MACF1: variants seen among roughly 807,000 people sequenced by gnomAD.
MACF1 encodes microtubule-actin cross-linking factor 1.
In MACF1, 193 loss-of-function variants were observed where a neutral mutation model predicts 854.8. The ratio of observed to expected loss-of-function variants is 0.23; its 90% CI spans 0.20 to 0.25. The LOEUF is 0.25. Among genes scored for constraint, MACF1 ranks in the 10% least tolerant of loss-of-function variants. The probability of loss-of-function intolerance (pLI) is 1.00; values close to 1 mark genes in which losing one functional copy is unlikely to be tolerated. For missense variants in MACF1, 7,722 were observed against 8,929.1 expected, an observed-to-expected ratio of 0.86 and a Z score of 5.45; for synonymous variants, 3,185 against 3,226.7, an observed-to-expected ratio of 0.99 and a Z score of 0.44.
At position 39,332,189 on chromosome 1, in the gene MACF1, A is replaced by G. The variant is rs188006968; in HGVS notation, c.5601A>G (p.Glu1867=). The change falls in exon 37 of 101, where the codon GAA becomes GAG. Residue 1867 remains glutamate (E), a synonymous_variant. Coordinates refer to ENST00000564288, the MANE Select transcript of MACF1 (RefSeq NM_001394062.1). ...GEILPITDAL[E]QGIVSTELAH... The stretch of plus-strand genomic sequence containing the variant: ...TCCTCCCAATTACAGATGCCCTAGA[A>G]CAAGGTATTGTGTCTACTGAACTAG... The G allele has an allele frequency of 1.2e-6, 2 of 1,614,074 alleles. No homozygotes were observed. The highest frequency in any genetic ancestry group is 2.2e-5 in the East Asian group (1 of 44,888).
At position 39,361,447 on chromosome 1, in the gene MACF1, A is replaced by G; in HGVS notation, c.12541A>G (p.Thr4181Ala). Residue 4181 changes from threonine (T) to alanine (A), a missense_variant, in exon 49 of 101, where the codon ACT becomes GCT. Coordinates refer to ENST00000564288, the MANE Select transcript of MACF1 (RefSeq NM_001394062.1). The stretch of plus-strand genomic sequence containing the variant: ...CCGATTCATGGAGACAGCAGACAGT[A>G]CTACAGCAGCAGTGCTGCAGGGCAA... The part of the protein sequence containing the change: ...VTRFMETADS[T>A]TAAVLQGKLA... The G allele has an allele frequency of 6.2e-7, 1 of 1,614,194 alleles. No individual in the cohort carries two copies. The highest frequency in any genetic ancestry group is 8.5e-7 in the Non-Finnish European group (1 of 1,180,040).
rs1557656393 is a variant in MACF1 at position 39,441,138 on chromosome 1, G to A, written c.18570+13G>A. The A allele has an allele frequency of 6.2e-7, 1 of 1,614,196 alleles. No individual in the cohort carries two copies. The highest frequency in any genetic ancestry group is 8.5e-7 in the Non-Finnish European group (1 of 1,180,028). On this transcript the variant is annotated intron_variant, in intron 73 of 100. Transcript: ENST00000564288. ...GAGCATTGATGAGGTGTGGAGAAAT[G>A]GATGAGGCACTCAGTTAGAACATTA...
At position 39,332,940 on chromosome 1, in the gene MACF1, A is replaced by G; in HGVS notation, c.6352A>G (p.Thr2118Ala). Residue 2118 changes from threonine to alanine, a missense_variant, in exon 37 of 101, where the codon ACA (threonine) becomes GCA (alanine). Thr to Ala is a moderately conservative substitution (Grantham distance 58). This residue lies in a region of MACF1 where 1,531 missense variants were observed against 1,601.6 expected (regional missense o/e 0.96). Transcript: ENST00000564288. ...GATAGGTACCCAAAGGGAAGACCAA[A>G]CAGCAGTGTCTGTCAGAGAAAATGC... The part of the protein sequence containing the change: ...QLIGTQREDQ[T>A]AVSVRENASR... The G allele has an allele frequency of 6.2e-7, 1 of 1,614,176 alleles. No individual in the cohort carries two copies. Among genetic ancestry groups the G allele is most frequent in the Non-Finnish European group, 8.5e-7 (1 of 1,180,026 alleles).
intron 2 of MACF1, among the ~76,000 whole-genome samples, chr1:39,236,585 C>A (rs1435135361): frequency 1.3e-5 from 2 of 152,080 alleles, no homozygotes; most frequent in Non-Finnish European, 2.9e-5. Context: ...CACTGGAGGG[C>A]AAATATTGTG....
chr1:39,110,324 C>T (rs1332056438), intron 2 of MACF1, among the ~76,000 whole-genome samples: 1 of 146,456 alleles, frequency 6.8e-6, no homozygotes, highest in African/African-American at 2.5e-5. Context: ...GCAGCCTTCA[C>T]CTCTCAGGCT....
rs370347610 is a variant in MACF1, at chr1:39,442,239, G to A, written c.18867G>A (p.Thr6289=). The change falls in exon 76 of 101, where the codon ACG becomes ACA. Residue 6289 remains threonine (T), a synonymous_variant. Transcript: ENST00000564288. ...ELMLKKATDE[T]DRDIIREPLT... ...TGTTAAAGAAAGCTACTGATGAGAC[G>A]GACAGAGACATTATACGAGAACCAC... 100 of 1,609,944 alleles carry A rather than the reference G, an allele frequency of 6.2e-5. No homozygotes were observed. The highest frequency in any genetic ancestry group is 1.7e-4 in the Middle Eastern group (1 of 6,020).
At chr1:39,168,600 T>G (rs1643905649) in intron 2 of MACF1, among the ~76,000 whole-genome samples, 1 of 152,198 alleles carries the variant, frequency 6.6e-6, no homozygotes, top group African/African-American at 2.4e-5. Context: ...CCCTGAGAGC[T>G]GGGATTACAG....
intron 31 of MACF1, among the ~76,000 whole-genome samples, chr1:39,320,612 A>G (rs1391061710): frequency 6.6e-6 from 1 of 152,196 alleles, no homozygotes; most frequent in East Asian, 1.9e-4. Flanking sequence ...AAATTCTTAC[A>G]TGGTTTATAA....
intron 2 of MACF1, among the ~76,000 whole-genome samples, chr1:39,239,665 A>C (rs1045639655): frequency 6.6e-6 from 1 of 152,228 alleles, no homozygotes; most frequent in Non-Finnish European, 1.5e-5. Context: ...AGAACATGAA[A>C]GTATGAACTC....
intron 2 of MACF1, among the ~76,000 whole-genome samples, chr1:39,091,631 G>A (rs994967686): frequency 5.3e-5 from 8 of 152,094 alleles, no homozygotes; most frequent in Non-Finnish European, 7.4e-5. Flanking sequence ...GAGTAGCTGG[G>A]ACTACAGGTG....
At position 39,436,485 on chromosome 1, in the gene MACF1, A is replaced by G. The variant is rs773197176; in HGVS notation, c.17988+724A>G. The G allele has an allele frequency of 9.3e-6, 15 of 1,614,008 alleles. No individual in the cohort carries two copies. The Admixed American group carries it at 2.3e-4, about 25-fold the overall frequency. On this transcript the variant is annotated intron_variant, in intron 70 of 100. Transcript: ENST00000564288. Reference sequence around the variant, plus strand: ...TTGACCGCGCCCACCATTACAGATTACAGAGGTAAGGTACCCATCCCCATT... The same window carrying G: ...TTGACCGCGCCCACCATTACAGATTGCAGAGGTAAGGTACCCATCCCCATT...
In MACF1 at chr1:39,205,016, C is replaced by A; in HGVS notation, c.-7C>A. The A allele has an allele frequency of 1.4e-6, 1 of 702,916 alleles. No homozygotes were observed. The highest frequency in any genetic ancestry group is 2.3e-4 in the Middle Eastern group (1 of 4,370). 43.5% of individuals were successfully genotyped at this position (702,916 alleles called of 1,614,324 possible). A position where few individuals can be genotyped will look rare whatever the true frequency, so the allele number is the denominator to read the frequency against. On this transcript the variant is annotated 5_prime_UTR_variant, in exon 1 of 101. Transcript: ENST00000564288. ...AACTCAAGGGAGGAGAAAGGACGGG[C>A]CTGGAAATGCCCCTCTTAGATTCAT...
At chr1:39,386,289 C>T (rs2148565584) in intron 57 of MACF1, among the ~76,000 whole-genome samples, 1 of 150,190 alleles carries the variant, frequency 6.7e-6, no homozygotes, top group South Asian at 2.1e-4. Context: ...CACACACGGT[C>T]TCGCTCTGTC....
Position 39,422,271 on chromosome 1 carries a change from T to C in MACF1, c.15817-103T>C, listed in dbSNP as rs539976540. 9 of 839,874 alleles carry C rather than the reference T, an allele frequency of 1.1e-5. No individual in the cohort carries two copies. In the East Asian group the frequency reaches 2.0e-4, roughly 19 times the overall value. The allele number at this position is 839,874 out of a possible 1,614,324, so 52.0% of individuals were successfully genotyped here. On this transcript the variant is annotated intron_variant, in intron 58 of 100. Coordinates refer to ENST00000564288, the MANE Select transcript of MACF1 (RefSeq NM_001394062.1). ...TGTTCTTTCTTTTTATTCCTGGTCG[T>C]CTTTCATTAAGTCATAAATGCCCCA...
chr1:39,440,923 G>C (rs186674028), intron 72 of MACF1, 80 bp from the exon 73 acceptor site: 4 of 1,429,896 alleles, frequency 2.8e-6, no homozygotes, highest in Admixed American at 1.7e-5. Context: ...CTATTGATGG[G>C]GTATAAATCA....
At chr1:39,269,864 G>A in intron 6 of MACF1, 1 of 559,704 alleles carries the variant, frequency 1.8e-6, no homozygotes, top group Non-Finnish European at 2.7e-6. Flanking sequence ...CTGGAGCTCA[G>A]CAAGCAGAAT....
At chr1:39,406,681 G>A (rs1642713355) in intron 58 of MACF1, among the ~76,000 whole-genome samples, 1 of 138,524 alleles carries the variant, frequency 7.2e-6, no homozygotes, top group East Asian at 2.2e-4. Flanking sequence ...ATTGCAGTGA[G>A]CCAAGATTGC....
chr1:39,480,607 G>A (rs1007920119), intron 98 of MACF1, among the ~76,000 whole-genome samples: 1 of 151,878 alleles, frequency 6.6e-6, no homozygotes, highest in Non-Finnish European at 1.5e-5. Flanking sequence ...TCCAGCCTGG[G>A]CAACAGAGTG....
chr1:39,267,561 A>G (rs1323878062), intron 6 of MACF1, among the ~76,000 whole-genome samples: 1 of 152,380 alleles, frequency 6.6e-6, no homozygotes. Flanking sequence ...CCGATAAAAT[A>G]TAAAATAATA....
Sources: allele counts gnomAD v4.1 joint callset (sites outside exome capture counted in the v4.1 genomes callset), GRCh38; gene constraint gnomAD v4.1.1; regional missense constraint gnomAD v4.1.1; transcripts MANE v1.5; gene names NCBI Gene and HGNC (gene_info 2026-07-23, HGNC 2026-07-21).